Variants in RASA3 observed in about 807,000 individuals in gnomAD.
RASA3 encodes RAS p21 protein activator 3, also known as ras GTPase-activating protein 3.
In RASA3, 73 loss-of-function variants were observed where a neutral mutation model predicts 110.0. The observed-to-expected ratio is 0.66, with a 90% CI of 0.55 to 0.81. The LOEUF is 0.81. Ranked by LOEUF, RASA3 falls within the 30% of genes least tolerant of loss-of-function variation. RASA3 has a pLI of 0.00. For synonymous variants in RASA3, 500 were observed against 451.4 expected, an observed-to-expected ratio of 1.11 and a Z score of -1.37; for missense variants, 976 against 1,113.2, an observed-to-expected ratio of 0.88 and a Z score of 1.75.
Position 114,021,489 on chromosome 13 carries a change from T to C in RASA3, c.700A>G (p.Ser234Gly). ...LEIRVDLWNA[S>G]NLKFGDEFLG... Reference sequence around the variant, plus strand: ...AATTCATCTCCAAACTTCAGGTTACTGGCATTCCAGAGGTCAACTCTGAAA... The same window carrying C: ...AATTCATCTCCAAACTTCAGGTTACCGGCATTCCAGAGGTCAACTCTGAAA... Residue 234 changes from serine to glycine, a missense_variant, in exon 9 of 24, where the codon AGT becomes GGT. Around this residue, in one of 4 missense-constraint regions of RASA3, gnomAD observed 732 missense variants for 779.7 expected, o/e 0.94. Coordinates refer to ENST00000334062, the MANE Select transcript of RASA3 (RefSeq NM_007368.4). The C allele has an allele frequency of 6.2e-7, 1 of 1,613,952 alleles. No individual in the cohort carries two copies. Among genetic ancestry groups the C allele is most frequent in the East Asian group, 2.2e-5 (1 of 44,888 alleles).
At chr13:114,000,144 C>T (rs1401169330) in intron 19 of RASA3, among the ~76,000 whole-genome samples, 4 of 96,494 alleles carry the variant, frequency 4.1e-5, no homozygotes, top group Non-Finnish European at 5.8e-5. Context: ...TGGGGGGGGT[C>T]TCTGTTGGGG....
intron 3 of RASA3, 55 bp from the exon 4 acceptor site, chr13:114,041,149 G>T: frequency 6.8e-7 from 1 of 1,471,640 alleles, no homozygotes. Flanking sequence ...GAGCCAGGAC[G>T]CCTGTGAGCA....
In RASA3 at chr13:114,007,419, T is replaced by G; in HGVS notation, c.1742+114A>C. 4 of 182,596 alleles carry G rather than the reference T, an allele frequency of 2.2e-5. 2 individuals are homozygous for G. The highest frequency in any genetic ancestry group is 3.0e-4 in the African/African-American group (2 of 6,616). 11.3% of individuals were successfully genotyped at this position (182,596 alleles called of 1,614,324 possible). A position where few individuals can be genotyped will look rare whatever the true frequency, so the allele number is the denominator to read the frequency against. On this transcript the variant is annotated intron_variant, in intron 18 of 23. Coordinates refer to ENST00000334062, the MANE Select transcript of RASA3 (RefSeq NM_007368.4). ...GCCCTGCTGGACGCCACCTTACCCTTCTCCCCTCCTGCCCTGCCGGACACC... is the reference window on the plus strand; with the variant it reads ...GCCCTGCTGGACGCCACCTTACCCTGCTCCCCTCCTGCCCTGCCGGACACC...
At chr13:114,019,693 C>G (rs1348037408) in intron 9 of RASA3, among the ~76,000 whole-genome samples, 1 of 147,398 alleles carries the variant, frequency 6.8e-6, no homozygotes. Flanking sequence ...GAGCCTGTGC[C>G]TGAGGCATTA....
intron 1 of RASA3, among the ~76,000 whole-genome samples, chr13:114,109,531 G>A (rs747237880): frequency 2.0e-5 from 3 of 152,178 alleles, no homozygotes; most frequent in Non-Finnish European, 4.4e-5. Flanking sequence ...GGCTGCGGAC[G>A]TTGACACAGG....
Position 114,014,218 on chromosome 13 carries a change from C to T in RASA3, c.1406-970G>A, listed in dbSNP as rs2053739873. On this transcript the variant is annotated intron_variant, in intron 14 of 23. Coordinates refer to ENST00000334062, the MANE Select transcript of RASA3 (RefSeq NM_007368.4). The surrounding 1 kb of genome is among the most constrained non-coding windows in gnomAD (Gnocchi z 4.5). ...TCATCACCACCACACAGCGCAGCCC[C>T]TTTGGTGTCTCATTCCACAGTGGTC... Among the ~76,000 whole-genome samples, 1 of 152,210 alleles carries T rather than the reference C, an allele frequency of 6.6e-6. No individual in the cohort carries two copies. The highest frequency in any genetic ancestry group is 2.1e-4 in the South Asian group (1 of 4,838).
At chr13:114,130,346 C>T (rs1487211048) in intron 1 of RASA3, among the ~76,000 whole-genome samples, 1 of 152,212 alleles carries the variant, frequency 6.6e-6, no homozygotes, top group Non-Finnish European at 1.5e-5. Flanking sequence ...CCTCTCTACC[C>T]GTCCTCACTG....
intron 9 of RASA3, among the ~76,000 whole-genome samples, chr13:114,020,418 A>G (rs1474992882): frequency 6.6e-6 from 1 of 152,188 alleles, no homozygotes; most frequent in Non-Finnish European, 1.5e-5. Context: ...TTCATTCAGC[A>G]TAGGAGGAAG....
At chr13:114,106,852 C>T (rs757142088) in intron 1 of RASA3, among the ~76,000 whole-genome samples, 4 of 152,158 alleles carry the variant, frequency 2.6e-5, no homozygotes, top group Non-Finnish European at 4.4e-5. Context: ...GAAAGCTCTG[C>T]GTATGTTTAA....
intron 20 of RASA3, among the ~76,000 whole-genome samples, chr13:113,997,104 G>A (rs2053274251): frequency 6.6e-6 from 1 of 152,242 alleles, no homozygotes; most frequent in Admixed American, 6.5e-5. Context: ...AGGCCCTCCT[G>A]CAGCTGACTG....
chr13:114,096,985 C>T lies in RASA3; in HGVS notation c.56-23148G>A, dbSNP rs1036816985. Among the ~76,000 whole-genome samples, 5 of 152,346 alleles carry T rather than the reference C, an allele frequency of 3.3e-5. No homozygotes were observed. The highest frequency in any genetic ancestry group is 3.3e-4 in the Admixed American group (5 of 15,306). ...TCCCGTGCACCAGGCCACTCTGAGT[C>T]TGCTCCTCCACGAGGCTCCCAGATC... On this transcript the variant is annotated intron_variant, in intron 1 of 23. Transcript: ENST00000334062. The surrounding 1 kb of genome is among the most constrained non-coding windows in gnomAD (Gnocchi z 5.1).
chr13:114,059,385 G>T (rs1389568375), intron 2 of RASA3, among the ~76,000 whole-genome samples: 2 of 152,268 alleles, frequency 1.3e-5, no homozygotes, highest in African/African-American at 2.4e-5. Context: ...GTAAGAATCT[G>T]TGACAGACGT....
At position 114,065,728 on chromosome 13, in the gene RASA3, A is replaced by G. The variant is rs1009354420; in HGVS notation, c.173+7992T>C. On this transcript the variant is annotated intron_variant, in intron 2 of 23. Coordinates refer to ENST00000334062, the MANE Select transcript of RASA3 (RefSeq NM_007368.4). This position sits in a 1 kb window ranked among gnomAD's most constrained non-coding sequence, Gnocchi z 4.1. ...GCAGGGTCACACAGCCCTGGCTCCC[A>G]GAGGTCAGAGGCTGGAGGGCAGGGG... is the stretch of plus-strand genomic sequence containing the variant. Among the ~76,000 whole-genome samples the G allele has an allele frequency of 6.6e-6, 1 of 152,150 alleles. No homozygotes were observed. Among genetic ancestry groups the G allele is most frequent in the Non-Finnish European group, 1.5e-5 (1 of 68,012 alleles).
chr13:114,061,067 T>C (rs1483375273), intron 2 of RASA3, among the ~76,000 whole-genome samples: 3 of 151,928 alleles, frequency 2.0e-5, no homozygotes, highest in Non-Finnish European at 4.4e-5. Flanking sequence ...GAGACATTTC[T>C]TCTTCCCGAG....
intron 1 of RASA3, among the ~76,000 whole-genome samples, chr13:114,087,535 A>C (rs2079837338): frequency 6.6e-6 from 1 of 152,174 alleles, no homozygotes; most frequent in Admixed American, 6.5e-5. Flanking sequence ...TTGCGGGGGC[A>C]CCTGGGAAGG....
chr13:113,998,035 C>T (rs2053295488), intron 20 of RASA3, among the ~76,000 whole-genome samples: 2 of 152,194 alleles, frequency 1.3e-5, no homozygotes, highest in Admixed American at 1.3e-4. Context: ...GAGAGCCTGG[C>T]CTGGCAGTGG....
intron 1 of RASA3, among the ~76,000 whole-genome samples, chr13:114,079,700 C>T (rs1253086283): frequency 2.0e-5 from 3 of 152,174 alleles, no homozygotes; most frequent in African/African-American, 7.2e-5. Flanking sequence ...CTGTGCCATG[C>T]GTGGGTAGAG....
At chr13:114,081,103 C>T (rs2079781930) in intron 1 of RASA3, among the ~76,000 whole-genome samples, 1 of 151,694 alleles carries the variant, frequency 6.6e-6, no homozygotes, top group Non-Finnish European at 1.5e-5. Context: ...ACCAATAGTG[C>T]TGCGTGGCAG....
chr13:114,021,175 G>A (rs1424978797), intron 9 of RASA3, among the ~76,000 whole-genome samples: 1 of 152,204 alleles, frequency 6.6e-6, no homozygotes, highest in East Asian at 1.9e-4. Context: ...GTGAGTCCCT[G>A]CTCAGTGTGA....
Sources: allele counts gnomAD v4.1 joint callset (sites outside exome capture counted in the v4.1 genomes callset), GRCh38; gene constraint gnomAD v4.1.1; regional missense constraint gnomAD v4.1.1; non-coding constraint Gnocchi (gnomAD v3.1); transcripts MANE v1.5; gene names NCBI Gene and HGNC (gene_info 2026-07-23, HGNC 2026-07-21).